KCNH8: variants seen among roughly 807,000 people sequenced by gnomAD.
KCNH8 encodes potassium voltage-gated channel subfamily H member 8, also known as voltage-gated delayed rectifier potassium channel KCNH8.
In KCNH8, 70 loss-of-function variants were observed where a neutral mutation model predicts 103.6. The ratio of observed to expected loss-of-function variants is 0.68; its 90% CI spans 0.56 to 0.82. The LOEUF (loss-of-function observed/expected upper bound fraction) is 0.82. Ranked by LOEUF, KCNH8 falls within the 40% of genes least tolerant of loss-of-function variation. The probability of loss-of-function intolerance (pLI) is 0.00; values close to 1 mark genes in which losing one functional copy is unlikely to be tolerated. For synonymous variants in KCNH8, 498 were observed against 489.4 expected, an observed-to-expected ratio of 1.02 and a Z score of -0.23; for missense variants, 1,217 against 1,329.9, an observed-to-expected ratio of 0.92 and a Z score of 1.32.
intron 11 of KCNH8, among the ~76,000 whole-genome samples, chr3:19,472,183 A>C (rs1333282536): frequency 6.9e-6 from 1 of 145,018 alleles, no homozygotes; most frequent in Non-Finnish European, 1.5e-5. Flanking sequence ...ATTGGAATTT[A>C]ATCACTTCAT....
rs924765355 is a variant in KCNH8 at position 19,535,407 on chromosome 3, A to T, written c.*1308A>T. ...GAGATTACACAGTTAGGATGCTGAC[A>T]CAGTCTAGAATCCATAATGCTCCCT... On this transcript the variant is annotated 3_prime_UTR_variant, in exon 16 of 16. Transcript: ENST00000328405. The T allele has an allele frequency of 6.6e-6, 1 of 152,202 alleles. No individual in the cohort carries two copies. Among genetic ancestry groups the T allele is most frequent in the Non-Finnish European group, 1.5e-5 (1 of 68,040 alleles). 9.4% of individuals were successfully genotyped at this position (152,202 alleles called of 1,614,324 possible). A position where few individuals can be genotyped will look rare whatever the true frequency, so the allele number is the denominator to read the frequency against.
chr3:19,258,912 T>C (rs1184163809), intron 2 of KCNH8, among the ~76,000 whole-genome samples: 54 of 38,606 alleles, frequency 1.4e-3, no homozygotes, highest in African/African-American at 3.0e-3. Flanking sequence ...TGTTTCTCTC[T>C]CTCTCTCTCT....
chr3:19,344,789 T>C (rs1195870658), intron 4 of KCNH8, among the ~76,000 whole-genome samples: 1 of 152,136 alleles, frequency 6.6e-6, no homozygotes, highest in African/African-American at 2.4e-5. Context: ...TTATAGCCCT[T>C]TGCTATTTAC....
intron 11 of KCNH8, among the ~76,000 whole-genome samples, chr3:19,501,048 A>T (rs1206486782): frequency 2.6e-5 from 4 of 152,196 alleles, no homozygotes; most frequent in Non-Finnish European, 5.9e-5. Flanking sequence ...ATAAAGAAAA[A>T]AAGAGAGAAG....
intron 1 of KCNH8, among the ~76,000 whole-genome samples, chr3:19,153,607 T>C (rs993995992): frequency 3.3e-5 from 5 of 151,554 alleles, no homozygotes; most frequent in Non-Finnish European, 7.4e-5. Flanking sequence ...CTTTTTCTTT[T>C]TCTTTTCTTT....
intron 1 of KCNH8, among the ~76,000 whole-genome samples, chr3:19,199,307 T>C: frequency 6.6e-6 from 1 of 152,234 alleles, no homozygotes; most frequent in East Asian, 1.9e-4. Flanking sequence ...GAGCATAAAC[T>C]TTCATTATAG....
rs1038217478 is a variant in KCNH8, at chr3:19,300,946, A to G, written c.442+19617A>G. Among the ~76,000 whole-genome samples, 10 of 151,832 alleles carry G rather than the reference A, an allele frequency of 6.6e-5. No individual in the cohort carries two copies. In the East Asian group the frequency reaches 1.9e-3, roughly 29 times the overall value. The stretch of plus-strand genomic sequence containing the variant: ...GCCTTTCTAGTATATTTTTTAAGCT[A>G]CCTGAAATGCTTTAGGGATAAAAAA... On this transcript the variant is annotated intron_variant, in intron 3 of 15. Transcript: ENST00000328405.
At chr3:19,351,417 C>A (rs1395770549) in intron 5 of KCNH8, among the ~76,000 whole-genome samples, 1 of 151,826 alleles carries the variant, frequency 6.6e-6, no homozygotes, top group Non-Finnish European at 1.5e-5. Flanking sequence ...AAGAGCAACT[C>A]CAAGACACAT....
chr3:19,423,640 G>A (rs1282692591), intron 7 of KCNH8, among the ~76,000 whole-genome samples: 1 of 151,580 alleles, frequency 6.6e-6, no homozygotes, highest in Non-Finnish European at 1.5e-5. Context: ...ATTCCATTGT[G>A]TGTGTGTGTG....
intron 3 of KCNH8, among the ~76,000 whole-genome samples, chr3:19,324,757 G>A (rs1221753808): frequency 6.6e-6 from 1 of 151,950 alleles, no homozygotes; most frequent in Non-Finnish European, 1.5e-5. Flanking sequence ...TGCCCATACT[G>A]CCCAAAGCAA....
intron 3 of KCNH8, among the ~76,000 whole-genome samples, chr3:19,302,882 T>C (rs1050729513): frequency 6.6e-6 from 1 of 152,222 alleles, no homozygotes; most frequent in African/African-American, 2.4e-5. Context: ...TTATATATTC[T>C]ACCCATCAGA....
intron 11 of KCNH8, among the ~76,000 whole-genome samples, chr3:19,491,671 A>C (rs997104946): frequency 1.1e-4 from 17 of 152,074 alleles, no homozygotes; most frequent in African/African-American, 4.1e-4. Context: ...TTTCTTTTTG[A>C]TGTAGTGATC....
chr3:19,465,650 A>G (rs2067720177), intron 11 of KCNH8, among the ~76,000 whole-genome samples: 2 of 151,654 alleles, frequency 1.3e-5, no homozygotes, highest in African/African-American at 2.4e-5. Context: ...TGGATGAATT[A>G]AGTTGAAAAC....
chr3:19,292,944 C>A (rs116152269), intron 3 of KCNH8, among the ~76,000 whole-genome samples: 224 of 152,288 alleles, frequency 1.5e-3, no homozygotes, highest in African/African-American at 4.3e-3. Context: ...ATGGCCATTT[C>A]TAGCTCCAAG....
At chr3:19,477,959 C>T (rs1321318579) in intron 11 of KCNH8, among the ~76,000 whole-genome samples, 1 of 152,086 alleles carries the variant, frequency 6.6e-6, no homozygotes, top group Non-Finnish European at 1.5e-5. Flanking sequence ...TATTATTCCA[C>T]TCTGTATGTC....
chr3:19,481,243 T>G (rs186106945), intron 11 of KCNH8, among the ~76,000 whole-genome samples: 10 of 152,308 alleles, frequency 6.6e-5, no homozygotes, highest in Admixed American at 5.2e-4. Context: ...GGGGAATCAC[T>G]GCTTTTAATG....
intron 1 of KCNH8, among the ~76,000 whole-genome samples, chr3:19,154,903 T>G (rs997680662): frequency 6.6e-6 from 1 of 152,238 alleles, no homozygotes; most frequent in African/African-American, 2.4e-5. Context: ...TTTGCTGATC[T>G]CATCTAAATG....
intron 3 of KCNH8, among the ~76,000 whole-genome samples, chr3:19,286,552 A>C (rs114843187): frequency 0.016 from 2,453 of 152,290 alleles, 61 homozygotes; most frequent in African/African-American, 0.056. Context: ...TCTGAGGTAC[A>C]GTCTCCCTTG....
chr3:19,405,277 A>G (rs1265312850), intron 7 of KCNH8, among the ~76,000 whole-genome samples: 1 of 151,714 alleles, frequency 6.6e-6, no homozygotes, highest in Non-Finnish European at 1.5e-5. Flanking sequence ...TGTGAATGGG[A>G]TCTATTTTTC....
Sources: allele counts gnomAD v4.1 joint callset (sites outside exome capture counted in the v4.1 genomes callset), GRCh38; gene constraint gnomAD v4.1.1; transcripts MANE v1.5; gene names NCBI Gene and HGNC (gene_info 2026-07-23, HGNC 2026-07-21).